The following RTN2 variants were observed in gnomAD, a reference collection of about 807,000 sequenced individuals.
RTN2 encodes the protein reticulon-2.
RTN2 carries 36 observed loss-of-function variants against 63.7 expected under a neutral mutation model. That is an observed-to-expected ratio of 0.56 (90% CI 0.43 to 0.75). The LOEUF (loss-of-function observed/expected upper bound fraction) is 0.75. Ranked by LOEUF, RTN2 falls within the 30% of genes least tolerant of loss-of-function variation. The probability of loss-of-function intolerance (pLI) is 0.00; values close to 1 mark genes in which losing one functional copy is unlikely to be tolerated. For synonymous variants in RTN2, 312 were observed against 313.0 expected, an observed-to-expected ratio of 1.00 and a Z score of 0.03; for missense variants, 673 against 705.1, an observed-to-expected ratio of 0.95 and a Z score of 0.52.
At chr19:45,492,709 A>G (rs1968185358) in intron 5 of RTN2, among the ~76,000 whole-genome samples, 1 of 151,870 alleles carries the variant, frequency 6.6e-6, no homozygotes, top group African/African-American at 2.4e-5. Context: ...TCTCCTTCCA[A>G]TGCATCTCCT....
intron 5 of RTN2, among the ~76,000 whole-genome samples, chr19:45,492,232 C>A (rs1321498093): frequency 6.6e-6 from 1 of 152,178 alleles, no homozygotes; most frequent in Non-Finnish European, 1.5e-5. Context: ...CCAACCTCAG[C>A]CCTGACCAGT....
At chr19:45,486,977 C>T (rs547860025) in intron 9 of RTN2, among the ~76,000 whole-genome samples, 4 of 149,250 alleles carry the variant, frequency 2.7e-5, no homozygotes, top group Admixed American at 6.7e-5. Flanking sequence ...TCAAGTGATC[C>T]GCCTGCCTCA....
chr19:45,491,265 G>A (rs1300925150), intron 5 of RTN2, among the ~76,000 whole-genome samples: 1 of 149,672 alleles, frequency 6.7e-6, no homozygotes, highest in East Asian at 2.0e-4. Flanking sequence ...GCGTGATCAT[G>A]GCTCACTACA....
In RTN2 at chr19:45,494,975, A is replaced by C. The variant is rs369180811; in HGVS notation, c.110T>G (p.Leu37Arg). 3.2e-5 allele frequency: 51 copies of C among 1,613,348 alleles called. No individual in the cohort carries two copies. The highest frequency in any genetic ancestry group is 4.2e-5 in the Non-Finnish European group (50 of 1,179,568). Residue 37 changes from leucine to arginine, a missense_variant, in exon 3 of 11, where the codon CTG becomes CGG. By Grantham distance (102) the Leu-to-Arg change is moderately radical. Transcript: ENST00000245923. The surrounding 1 kb of genome is among the most constrained non-coding windows in gnomAD (Gnocchi z 5.3). ...CTCTGAGAATTCCCGGGCTGTGTGC[A>C]GCTCTCGAAAATCAGAGTCGTCGTT... ...GGNDDSDFRE[L>R]HTAREFSEED... is the part of the protein sequence containing the mutation.
At chr19:45,487,182 T>C (rs1221796527) in intron 9 of RTN2, among the ~76,000 whole-genome samples, 1 of 151,768 alleles carries the variant, frequency 6.6e-6, no homozygotes, top group Admixed American at 6.6e-5. Flanking sequence ...TAACTGGGAC[T>C]ATAGGTGTGT....
intron 9 of RTN2, 25 bp downstream of exon 9, chr19:45,488,446 T>C (rs760667238): frequency 3.1e-6 from 5 of 1,609,974 alleles, no homozygotes; most frequent in Non-Finnish European, 4.2e-6. Flanking sequence ...GCTGGGGTGC[T>C]GACAACTGAG....
chr19:45,487,177 G>C (rs369343313), intron 9 of RTN2, among the ~76,000 whole-genome samples: 1 of 151,138 alleles, frequency 6.6e-6, no homozygotes, highest in South Asian at 2.1e-4. Flanking sequence ...CAGAGTAACT[G>C]GGACTATAGG....
chr19:45,485,794 A>C lies in RTN2; in HGVS notation c.1557-5T>G. On this transcript the variant is annotated splice_region_variant and splice_polypyrimidine_tract_variant and intron_variant, in intron 10 of 10. Transcript: ENST00000245923. ...CCTGGGATTTTAGCTCGGATCCTGAAGGAGAAACAGGTGGGATCACGAGGT... is the reference window on the plus strand; with the variant it reads ...CCTGGGATTTTAGCTCGGATCCTGACGGAGAAACAGGTGGGATCACGAGGT... 1 of 1,612,172 alleles carries C rather than the reference A, an allele frequency of 6.2e-7. No individual in the cohort carries two copies. Among genetic ancestry groups the C allele is most frequent in the South Asian group, 1.1e-5 (1 of 91,036 alleles).
chr19:45,494,074 T>A lies in RTN2; in HGVS notation c.814+92A>T. The A allele has an allele frequency of 6.6e-7, 1 of 1,523,564 alleles. No homozygotes were observed. The highest frequency in any genetic ancestry group is 8.8e-7 in the Non-Finnish European group (1 of 1,130,366). The allele number at this position is 1,523,564 out of a possible 1,614,324, so 94.4% of individuals were successfully genotyped here. On this transcript the variant is annotated intron_variant, in intron 4 of 10. Transcript: ENST00000245923. This position sits in a 1 kb window ranked among gnomAD's most constrained non-coding sequence, Gnocchi z 5.3. The stretch of plus-strand genomic sequence containing the variant: ...ATCTCTTCCCTTTTCCACTATGTAC[T>A]GTTCCTTTGCGAGGTTGGTCCCTTT...
rs1311421376 is a variant in RTN2 at position 45,486,079 on chromosome 19, T to C, written c.1532A>G (p.Asn511Ser). Residue 511 changes from asparagine (N) to serine (S), a missense_variant, in exon 10 of 11, where the codon AAT (asparagine) becomes AGT (serine). Transcript: ENST00000245923. ...CTTAGCTTTGATGTGGCTCAACTGA[T>C]TGGTCACCAACCCCACATATTGGTC... ...QIDQYVGLVT[N>S]QLSHIKAKIR... is the part of the protein sequence containing the mutation. 3.7e-6 allele frequency: 6 copies of C among 1,613,880 alleles called. No individual in the cohort carries two copies. The highest frequency in any genetic ancestry group is 4.2e-6 in the Non-Finnish European group (5 of 1,179,998).
rs1373344868 is a variant in RTN2 at position 45,494,351 on chromosome 19, C to A, written c.629G>T (p.Gly210Val). The change falls in exon 4 of 11, where the codon GGC (glycine) becomes GTC (valine). Residue 210 changes from glycine to valine, a missense_variant. Gly to Val is a moderately radical substitution (Grantham distance 109). Coordinates refer to ENST00000245923, the MANE Select transcript of RTN2 (RefSeq NM_005619.5). This position sits in a 1 kb window ranked among gnomAD's most constrained non-coding sequence, Gnocchi z 5.3. ...PEVLTPQLSPGSGTPQAGTPS... is the reference protein window; with the variant it reads ...PEVLTPQLSPVSGTPQAGTPS... ...AGTACCGGCCTGGGGTGTCCCAGAGCCCGGACTGAGCTGGGGAGTCAAGAC... is the reference window on the plus strand; with the variant it reads ...AGTACCGGCCTGGGGTGTCCCAGAGACCGGACTGAGCTGGGGAGTCAAGAC... The A allele has an allele frequency of 3.7e-6, 6 of 1,614,146 alleles. No individual in the cohort carries two copies. Among genetic ancestry groups the A allele is most frequent in the Non-Finnish European group, 5.1e-6 (6 of 1,180,038 alleles).
Position 45,489,365 on chromosome 19 carries a change from C to A in RTN2, c.1222G>T (p.Asp408Tyr), listed in dbSNP as rs1332425655. Residue 408 changes from aspartate to tyrosine, a missense_variant, in exon 6 of 11, where the codon GAT becomes TAT. By Grantham distance (160) the Asp-to-Tyr change is radical. Coordinates refer to ENST00000245923, the MANE Select transcript of RTN2 (RefSeq NM_005619.5). ...TCTCACTGGAAAGGGTTGGCTCCATCCCCCCGGTGCACGGCCTGCAGCACT... is the reference window on the plus strand; with the variant it reads ...TCTCACTGGAAAGGGTTGGCTCCATACCCCCGGTGCACGGCCTGCAGCACT... Reference protein sequence around the residue: ...RKVLQAVHRGDGANPFQAYLD... With the variant: ...RKVLQAVHRGYGANPFQAYLD... 6.4e-7 allele frequency: 1 copy of A among 1,569,734 alleles called. No individual in the cohort carries two copies.
At position 45,494,270 on chromosome 19, in the gene RTN2, T is replaced by C. The variant is rs1359864823; in HGVS notation, c.710A>G (p.Glu237Gly). ...TGGCCCCCACTGCTTTTCTTCCTCT[T>C]CCAGCAATGGCTCTTCGGGCCCAGA... Reference protein sequence around the residue: ...SNSGPEEPLLEEEEKQWGPLE... With the variant: ...SNSGPEEPLLGEEEKQWGPLE... Residue 237 changes from glutamate (E) to glycine (G), a missense_variant, in exon 4 of 11, where the codon GAA becomes GGA. By Grantham distance (98) the Glu-to-Gly change is moderately conservative (BLOSUM62 -2). Coordinates refer to ENST00000245923, the MANE Select transcript of RTN2 (RefSeq NM_005619.5). The surrounding 1 kb of genome is among the most constrained non-coding windows in gnomAD (Gnocchi z 5.3). 5 of 1,613,818 alleles carry C rather than the reference T, an allele frequency of 3.1e-6. No individual in the cohort carries two copies. Among genetic ancestry groups the C allele is most frequent in the Non-Finnish European group, 4.2e-6 (5 of 1,179,994 alleles).
At chr19:45,489,649 A>T in intron 5 of RTN2, 96 bp from the exon 6 acceptor site, 1 of 774,534 alleles carries the variant, frequency 1.3e-6, no homozygotes. Flanking sequence ...ACTTCTCGAC[A>T]CACCTGTTTG....
In RTN2 at chr19:45,494,804, G is replaced by A. The variant is rs895596505; in HGVS notation, c.281C>T (p.Ser94Leu). ...RRPRPQGRSV[S>L]EPRDQHPQPS... The stretch of plus-strand genomic sequence containing the variant: ...CTGAGGGTGCTGGTCTCGTGGTTCC[G>A]AGACTGAGCGGCCCTGGGGGCGGGG... The change falls in exon 3 of 11, where the codon TCG (serine) becomes TTG (leucine). Residue 94 changes from serine to leucine, a missense_variant. By Grantham distance (145) the Ser-to-Leu change is moderately radical (BLOSUM62 -2). Transcript: ENST00000245923. The surrounding 1 kb of genome is among the most constrained non-coding windows in gnomAD (Gnocchi z 5.3). 5 of 1,604,102 alleles carry A rather than the reference G, an allele frequency of 3.1e-6. No homozygotes were observed. The highest frequency in any genetic ancestry group is 3.3e-5 in the Admixed American group (2 of 60,010).
At chr19:45,496,133 G>GCT (rs1968263872) in intron 1 of RTN2, among the ~76,000 whole-genome samples, 2 of 152,144 alleles carry the variant, frequency 1.3e-5, no homozygotes, top group African/African-American at 4.8e-5. Flanking sequence ...CTAGTTCAGA[G>GCT]CTTTGCACAT....
Position 45,493,045 on chromosome 19 carries a change from A to C in RTN2, c.1033+115T>G, listed in dbSNP as rs1171549795. 7 of 1,070,552 alleles carry C rather than the reference A, an allele frequency of 6.5e-6. No individual in the cohort carries two copies. In the East Asian group the frequency reaches 1.4e-4, roughly 22 times the overall value. The allele number at this position is 1,070,552 out of a possible 1,614,324, so 66.3% of individuals were successfully genotyped here. A position where few individuals can be genotyped will look rare whatever the true frequency, so the allele number is the denominator to read the frequency against. On this transcript the variant is annotated intron_variant, in intron 5 of 10. Transcript: ENST00000245923. ...CCTCGGCCCCCTAGCCCCAGCCTGC[A>C]GCGCTGCGGAAGCAGATCAGTAATA...
In RTN2 at chr19:45,494,839, A is replaced by G; in HGVS notation, c.246T>C (p.Thr82=). The G allele has an allele frequency of 2.5e-6, 4 of 1,604,018 alleles. No individual in the cohort carries two copies. Among genetic ancestry groups the G allele is most frequent in the South Asian group, 1.1e-5 (1 of 91,072 alleles). The part of the protein sequence containing the change: ...VVGSGGRRDS[T]ARRPRPQGRS... ...GGCCCTGGGGGCGGGGGCGGCGGGC[A>G]GTTGAATCCCTGCGGCCCCCGGAGC... Residue 82 remains threonine (T), a synonymous_variant, in exon 3 of 11, where the codon ACT becomes ACC. Transcript: ENST00000245923. The surrounding 1 kb of genome is among the most constrained non-coding windows in gnomAD (Gnocchi z 5.3).
chr19:45,496,732 G>C, intron 1 of RTN2, 60 bp downstream of exon 1: 1 of 1,221,224 alleles, frequency 8.2e-7, no homozygotes, highest in Non-Finnish European at 1.1e-6. Context: ...AGGGGACACC[G>C]GGGAGTACCC....
Sources: gnomAD v4.1 joint callset for allele counts (sites outside exome capture counted in the v4.1 genomes callset) on GRCh38, gnomAD v4.1.1 for gene constraint, Gnocchi (gnomAD v3.1) non-coding constraint, MANE v1.5 for transcripts, NCBI Gene and HGNC (gene_info 2026-07-23, HGNC 2026-07-21) for gene names.